KLHL1: variants seen among roughly 807,000 people sequenced by gnomAD.
KLHL1 encodes the protein kelch like family member 1, also known as kelch-like protein 1.
In KLHL1, 47 loss-of-function variants were observed where a neutral mutation model predicts 77.7. The ratio of observed to expected loss-of-function variants is 0.60; its 90% CI spans 0.48 to 0.77. KLHL1 has a LOEUF of 0.77. Ranked by LOEUF, KLHL1 falls within the 30% of genes least tolerant of loss-of-function variation. KLHL1 has a pLI of 0.00. For synonymous variants in KLHL1, 360 were observed against 325.2 expected (o/e 1.11, Z -1.15); for missense variants, 925 against 910.8 (o/e 1.02, Z -0.20).
intron 1 of KLHL1, among the ~76,000 whole-genome samples, chr13:70,036,887 C>T (rs144036082): frequency 3.4e-5 from 2 of 58,308 alleles, no homozygotes; most frequent in Non-Finnish European, 6.5e-5. Context: ...GCTAAGCATT[C>T]GATTTCTGTT....
At chr13:69,957,541 T>C (rs1014661169) in intron 3 of KLHL1, among the ~76,000 whole-genome samples, 2 of 151,744 alleles carry the variant, frequency 1.3e-5, no homozygotes, top group Non-Finnish European at 1.5e-5. Context: ...CATCGACATA[T>C]ATAGTTTACA....
chr13:69,780,611 T>G (rs369181327), intron 7 of KLHL1, among the ~76,000 whole-genome samples: 1 of 148,654 alleles, frequency 6.7e-6, no homozygotes, highest in East Asian at 2.0e-4. Context: ...TATTCATTAC[T>G]CATTGTTATA....
intron 5 of KLHL1, among the ~76,000 whole-genome samples, chr13:69,863,719 G>C (rs1230602605): frequency 1.3e-5 from 2 of 151,938 alleles, no homozygotes; most frequent in Non-Finnish European, 2.9e-5. Flanking sequence ...TCTATTGGAT[G>C]ATGCAAAAAA....
chr13:70,034,243 A>G (rs1040577366), intron 1 of KLHL1, among the ~76,000 whole-genome samples: 5 of 152,184 alleles, frequency 3.3e-5, no homozygotes, highest in African/African-American at 1.2e-4. Context: ...ACTTCCCCAA[A>G]TGCTTTACAA....
At chr13:69,938,315 T>C (rs947373490) in intron 4 of KLHL1, among the ~76,000 whole-genome samples, 2 of 152,068 alleles carry the variant, frequency 1.3e-5, no homozygotes, top group African/African-American at 4.8e-5. Context: ...TCAGCAGATA[T>C]TATATATCAC....
intron 1 of KLHL1, among the ~76,000 whole-genome samples, chr13:70,080,437 T>C (rs1382954240): frequency 1.3e-5 from 2 of 152,218 alleles, no homozygotes; most frequent in Non-Finnish European, 2.9e-5. Context: ...ATCTACCAGA[T>C]AAACCTAGAG....
chr13:69,773,367 AT>A (rs890131551), intron 7 of KLHL1, among the ~76,000 whole-genome samples: 10 of 152,174 alleles, frequency 6.6e-5, no homozygotes, highest in Middle Eastern at 3.4e-3. Flanking sequence ...TACTCTGTGA[AT>A]TCACTTTGCT....
At chr13:69,819,617 CAA>C (rs34373404) in intron 6 of KLHL1, among the ~76,000 whole-genome samples, 4 of 140,178 alleles carry the variant, frequency 2.9e-5, no homozygotes, top group Non-Finnish European at 1.6e-5. Context: ...GGAGGTAATG[CAA>C]AAAAAAAAAA....
intron 4 of KLHL1, among the ~76,000 whole-genome samples, chr13:69,893,293 G>A (rs1881498910): frequency 6.7e-6 from 1 of 149,046 alleles, no homozygotes; most frequent in Non-Finnish European, 1.5e-5. Context: ...GGACTGCAGT[G>A]GCGCAATCTC....
intron 1 of KLHL1, among the ~76,000 whole-genome samples, chr13:70,027,652 G>GTTTT (rs10667717): frequency 1.3e-4 from 18 of 135,840 alleles, no homozygotes; most frequent in East Asian, 2.2e-4. Context: ...AATGTAAGTT[G>GTTTT]TTTTTTTTTT....
intron 6 of KLHL1, among the ~76,000 whole-genome samples, chr13:69,799,741 G>A (rs1314696683): frequency 6.6e-6 from 1 of 152,126 alleles, no homozygotes; most frequent in Non-Finnish European, 1.5e-5. Flanking sequence ...TCTGGAGGCT[G>A]CAGGAGAAAA....
intron 1 of KLHL1, among the ~76,000 whole-genome samples, chr13:70,061,685 T>C (rs896937355): frequency 6.6e-6 from 1 of 152,172 alleles, no homozygotes; most frequent in African/African-American, 2.4e-5. Flanking sequence ...GCAGCAAATA[T>C]GAAGGCTTAT....
intron 6 of KLHL1, among the ~76,000 whole-genome samples, chr13:69,806,551 G>A (rs543289060): frequency 3.9e-5 from 6 of 152,120 alleles, no homozygotes; most frequent in Non-Finnish European, 8.8e-5. Context: ...TACCCAGCTG[G>A]GAACAGACTG....
chr13:70,003,469 A>G (rs542538110), intron 1 of KLHL1, among the ~76,000 whole-genome samples: 2 of 151,810 alleles, frequency 1.3e-5, no homozygotes, highest in Admixed American at 1.3e-4. Flanking sequence ...TGCATCATGA[A>G]ATATTTGTAA....
intron 4 of KLHL1, among the ~76,000 whole-genome samples, chr13:69,930,833 T>C (rs995751513): frequency 1.3e-5 from 2 of 151,696 alleles, no homozygotes; most frequent in Non-Finnish European, 3.0e-5. Context: ...TTCTGATTTA[T>C]ATATTCAGTT....
Position 69,940,075 on chromosome 13 carries a change from T to C in KLHL1, c.979A>G (p.Ile327Val). The C allele has an allele frequency of 1.2e-6, 2 of 1,611,598 alleles. No homozygotes were observed. The highest frequency in any genetic ancestry group is 1.7e-6 in the Non-Finnish European group (2 of 1,178,936). The stretch of plus-strand genomic sequence containing the variant: ...CTGTGGGCCACCTTCATTAACTCAA[T>C]GCATCCTTGAGCATCTGCGAAGGCT... Reference protein sequence around the residue: ...IRAFADAQGCIELMKVAHSYT... With the variant: ...IRAFADAQGCVELMKVAHSYT... Residue 327 changes from isoleucine (I) to valine (V), a missense_variant, in exon 4 of 11, where the codon ATT becomes GTT. Transcript: ENST00000377844.
At chr13:69,887,561 T>A (rs1441950192) in intron 4 of KLHL1, among the ~76,000 whole-genome samples, 2 of 152,184 alleles carry the variant, frequency 1.3e-5, no homozygotes, top group East Asian at 3.8e-4. Context: ...AGAGATTTCT[T>A]TTGCCAAGTG....
chr13:69,789,704 G>T (rs1357075133), intron 7 of KLHL1, among the ~76,000 whole-genome samples: 2 of 152,204 alleles, frequency 1.3e-5, no homozygotes, highest in South Asian at 4.1e-4. Context: ...AGCAAGGCTT[G>T]TATTTCACTA....
chr13:69,887,119 A>T (rs1881249140), intron 4 of KLHL1, among the ~76,000 whole-genome samples: 1 of 152,184 alleles, frequency 6.6e-6, no homozygotes, highest in African/African-American at 2.4e-5. Flanking sequence ...CTAAGATTTT[A>T]AAATTTCTAA....
Sources: allele counts gnomAD v4.1 joint callset (sites outside exome capture counted in the v4.1 genomes callset), GRCh38; gene constraint gnomAD v4.1.1; transcripts MANE v1.5; gene names NCBI Gene and HGNC (gene_info 2026-07-23, HGNC 2026-07-21).